The following RBMS1 variants were observed in gnomAD, a reference collection of about 807,000 sequenced individuals.
RBMS1 encodes RNA binding motif single stranded interacting protein 1, also known as RNA-binding motif, single-stranded-interacting protein 1.
Under a neutral mutation model 62.3 loss-of-function variants are expected in RBMS1, and 17 were observed. The observed-to-expected ratio is 0.27, with a 90% CI of 0.19 to 0.41. The LOEUF is 0.41. Ranked by LOEUF, RBMS1 falls within the 10% of genes least tolerant of loss-of-function variation. RBMS1 has a pLI of 1.00. For synonymous variants in RBMS1, 172 were observed against 170.0 expected, an observed-to-expected ratio of 1.01 and a Z score of -0.09; for missense variants, 334 against 504.5, an observed-to-expected ratio of 0.66 and a Z score of 3.24.
intron 2 of RBMS1, among the ~76,000 whole-genome samples, chr2:160,329,760 GGA>G (rs927785465): frequency 6.6e-6 from 1 of 151,868 alleles, no homozygotes; most frequent in Admixed American, 6.6e-5. Flanking sequence ...GTCTGGGTAT[GGA>G]GATCAGGGCT....
In RBMS1 at chr2:160,372,006, C is replaced by T. The variant is rs183276078; in HGVS notation, c.76-4615G>A. On this transcript the variant is annotated intron_variant, in intron 1 of 13. Transcript: ENST00000348849. Reference sequence around the variant, plus strand: ...TAAAGGTCATTTACAAAATTAACCACATGTGAACTAAAATACATTAGTAAT... The same window carrying T: ...TAAAGGTCATTTACAAAATTAACCATATGTGAACTAAAATACATTAGTAAT... Among the ~76,000 whole-genome samples the T allele has an allele frequency of 2.4e-3, 365 of 152,260 alleles. 5 individuals are homozygous for T. The highest frequency in any genetic ancestry group is 1.7e-3 in the South Asian group (8 of 4,830).
chr2:160,334,621 G>A (rs1163409211), intron 2 of RBMS1, among the ~76,000 whole-genome samples: 10 of 152,150 alleles, frequency 6.6e-5, no homozygotes, highest in African/African-American at 2.4e-4. Flanking sequence ...GACTATGTGT[G>A]TTAAGGAAAC....
intron 1 of RBMS1, among the ~76,000 whole-genome samples, chr2:160,449,412 G>C (rs1683861000): frequency 1.3e-5 from 2 of 152,262 alleles, no homozygotes; most frequent in African/African-American, 4.8e-5. Flanking sequence ...AAAAGAAAGA[G>C]AGATCAGATT....
intron 4 of RBMS1, among the ~76,000 whole-genome samples, chr2:160,305,181 T>C (rs906691885): frequency 6.6e-6 from 1 of 152,206 alleles, no homozygotes; most frequent in Non-Finnish European, 1.5e-5. Flanking sequence ...ATAAATTTAA[T>C]GTAGTCTAAG....
intron 1 of RBMS1, among the ~76,000 whole-genome samples, chr2:160,415,854 T>C (rs1696189603): frequency 6.6e-6 from 1 of 152,030 alleles, no homozygotes; most frequent in African/African-American, 2.4e-5. Flanking sequence ...AGGAGGATGC[T>C]AGAATAATTA....
intron 6 of RBMS1, among the ~76,000 whole-genome samples, chr2:160,290,721 T>C (rs986135323): frequency 1.3e-5 from 2 of 152,220 alleles, no homozygotes; most frequent in African/African-American, 4.8e-5. Context: ...CCTTGAGCAT[T>C]TGTTAAAGGC....
intron 1 of RBMS1, among the ~76,000 whole-genome samples, chr2:160,465,690 T>G (rs2105337384): frequency 6.6e-6 from 1 of 152,338 alleles, no homozygotes; most frequent in Non-Finnish European, 1.5e-5. Context: ...GGCCTTCTCC[T>G]GAGTGTTCTC....
chr2:160,333,175 C>T (rs78748918), intron 2 of RBMS1, among the ~76,000 whole-genome samples: 7 of 151,726 alleles, frequency 4.6e-5, no homozygotes, highest in East Asian at 3.9e-4. Flanking sequence ...TCTTTGAGAT[C>T]GAGTTGAGGG....
chr2:160,386,387 T>C (rs1694576760), intron 1 of RBMS1, among the ~76,000 whole-genome samples: 1 of 152,064 alleles, frequency 6.6e-6, no homozygotes, highest in Admixed American at 6.5e-5. Context: ...AATACAAAAC[T>C]TAGCCAGGCA....
At chr2:160,279,302 A>G (rs1450199602) in intron 10 of RBMS1, 1 of 152,142 alleles carries the variant, frequency 6.6e-6, no homozygotes, top group Non-Finnish European at 1.5e-5. Flanking sequence ...TCTTTTATTT[A>G]ATTTGAAAAA....
intron 1 of RBMS1, among the ~76,000 whole-genome samples, chr2:160,445,834 G>A (rs1427789015): frequency 6.6e-6 from 1 of 152,160 alleles, no homozygotes; most frequent in Non-Finnish European, 1.5e-5. Flanking sequence ...TTAAGGGAAA[G>A]TTTCTTCTCC....
At chr2:160,425,383 A>C (rs1477050814) in intron 1 of RBMS1, among the ~76,000 whole-genome samples, 25 of 152,232 alleles carry the variant, frequency 1.6e-4, no homozygotes, top group Admixed American at 1.6e-3. Flanking sequence ...TAACTAAAAG[A>C]AAACACAAAA....
chr2:160,344,574 A>G (rs1340411464), intron 2 of RBMS1, among the ~76,000 whole-genome samples: 1 of 152,198 alleles, frequency 6.6e-6, no homozygotes, highest in Non-Finnish European at 1.5e-5. Context: ...ATAAAGGTGT[A>G]AATTATTCAA....
chr2:160,447,653 G>C (rs1683712827), intron 1 of RBMS1, among the ~76,000 whole-genome samples: 1 of 152,206 alleles, frequency 6.6e-6, no homozygotes, highest in East Asian at 1.9e-4. Flanking sequence ...CTAGAATATA[G>C]TGCAGGACAT....
intron 1 of RBMS1, among the ~76,000 whole-genome samples, chr2:160,464,819 C>G (rs1559585534): frequency 6.6e-6 from 1 of 152,110 alleles, no homozygotes; most frequent in African/African-American, 2.4e-5. Context: ...CTTGCCCTTG[C>G]AAGAACCACA....
intron 4 of RBMS1, among the ~76,000 whole-genome samples, chr2:160,304,194 G>A (rs1174979985): frequency 1.3e-5 from 2 of 152,062 alleles, no homozygotes; most frequent in East Asian, 1.9e-4. Flanking sequence ...GCTTGCAAAA[G>A]GCTATCTAAG....
At chr2:160,419,732 C>T (rs544961344) in intron 1 of RBMS1, among the ~76,000 whole-genome samples, 3 of 152,230 alleles carry the variant, frequency 2.0e-5, no homozygotes, top group East Asian at 1.9e-4. Context: ...ACTACATAGC[C>T]GGTTATAAGT....
intron 1 of RBMS1, among the ~76,000 whole-genome samples, chr2:160,434,633 T>A (rs1683041309): frequency 6.6e-6 from 1 of 152,216 alleles, no homozygotes; most frequent in Non-Finnish European, 1.5e-5. Context: ...GCACTTGAAA[T>A]ATGGCTAGCA....
intron 2 of RBMS1, among the ~76,000 whole-genome samples, chr2:160,360,011 C>T (rs1470173899): frequency 3.3e-5 from 5 of 152,026 alleles, no homozygotes; most frequent in African/African-American, 1.2e-4. Flanking sequence ...CGCTTGAACC[C>T]GGGAGACAGA....
Sources: allele counts gnomAD v4.1 joint callset (sites outside exome capture counted in the v4.1 genomes callset), GRCh38; gene constraint gnomAD v4.1.1; transcripts MANE v1.5; gene names NCBI Gene and HGNC (gene_info 2026-07-23, HGNC 2026-07-21).